The following DMGDH variants were observed in gnomAD, a reference collection of about 807,000 sequenced individuals.
DMGDH encodes the protein dimethylglycine dehydrogenase, also known as dimethylglycine dehydrogenase, mitochondrial.
Under a neutral mutation model 95.2 loss-of-function variants are expected in DMGDH, and 76 were observed. The observed-to-expected ratio is 0.80, with a 90% CI of 0.66 to 0.97. The LOEUF (loss-of-function observed/expected upper bound fraction) is 0.97. Ranked by LOEUF, DMGDH falls within the 50% of genes least tolerant of loss-of-function variation. The pLI is 0.00. For synonymous variants in DMGDH, 345 were observed against 377.6 expected, an observed-to-expected ratio of 0.91 and a Z score of 1.00; for missense variants, 987 against 1,055.0, an observed-to-expected ratio of 0.94 and a Z score of 0.89.
chr5:79,045,440 A>C (rs978263436), intron 5 of DMGDH, among the ~76,000 whole-genome samples: 1 of 152,206 alleles, frequency 6.6e-6, no homozygotes, highest in Non-Finnish European at 1.5e-5. Context: ...CCTTCAGTAC[A>C]TAGATGTGGG....
rs1487258521 is a variant in DMGDH at position 79,032,831 on chromosome 5, G to A, written c.1373C>T (p.Pro458Leu). 1.9e-6 allele frequency: 3 copies of A among 1,613,888 alleles called. No homozygotes were observed. The African/African-American group carries it at 4.0e-5, about 22-fold the overall frequency. ...CCTCCCAGCAAACCGTTCTTCTTTA[G>A]GATAACCAACTGAAAAGGAAAAATT... ...SYGFNNIVGY[P>L]KEERFAGRPT... The change falls in exon 9 of 16, where the codon CCT becomes CTT. Residue 458 changes from proline to leucine, a missense_variant. Transcript: ENST00000255189.
At chr5:79,013,661 A>G (rs1032099783) in intron 14 of DMGDH, among the ~76,000 whole-genome samples, 9 of 152,210 alleles carry the variant, frequency 5.9e-5, no homozygotes, top group African/African-American at 1.9e-4. Context: ...AGTTCTGTAG[A>G]CTATACAGGA....
chr5:79,061,219 A>T (rs1414851265), intron 2 of DMGDH, among the ~76,000 whole-genome samples: 1 of 43,064 alleles, frequency 2.3e-5, no homozygotes, highest in Non-Finnish European at 4.9e-5. Flanking sequence ...ACTCTGTCTC[A>T]AACACACACA....
chr5:79,065,186 T>C (rs1755336724), intron 1 of DMGDH, among the ~76,000 whole-genome samples: 1 of 151,654 alleles, frequency 6.6e-6, no homozygotes, highest in African/African-American at 2.4e-5. Flanking sequence ...CAATAACACA[T>C]ACACAGCTGT....
chr5:79,052,375 G>A (rs1037292611), intron 4 of DMGDH, among the ~76,000 whole-genome samples: 1 of 152,152 alleles, frequency 6.6e-6, no homozygotes, highest in Non-Finnish European at 1.5e-5. Flanking sequence ...AGAGAGATTG[G>A]CATTAAGTCT....
At chr5:79,052,585 G>C (rs899167222) in intron 4 of DMGDH, among the ~76,000 whole-genome samples, 1 of 152,210 alleles carries the variant, frequency 6.6e-6, no homozygotes, top group East Asian at 1.9e-4. Flanking sequence ...CCTCGTTGTA[G>C]TAATCCCACA....
At chr5:79,054,689 G>A (rs553335886) in intron 3 of DMGDH, among the ~76,000 whole-genome samples, 1 of 152,236 alleles carries the variant, frequency 6.6e-6, no homozygotes, top group Admixed American at 6.5e-5. Context: ...AATGTACAGC[G>A]TGAACAAAAA....
chr5:79,000,932 T>G (rs58686906), intron 15 of DMGDH: 48,707 of 676,330 alleles, frequency 0.072, 1,950 homozygotes, highest in Non-Finnish European at 0.078. Flanking sequence ...GAGCTGTACC[T>G]GGGTCCTCAT....
Position 78,998,277 on chromosome 5 carries a change from A to G in DMGDH, c.2406T>C (p.Ser802=). ...YNGKVVGNTT[S]GSYSYSIQKS... ...TCTGGATGCTGTAGCTATAGCTTCC[A>G]GATGTCGTGTTGCCAACCACCTGGA... The change falls in exon 16 of 16, where the codon TCT becomes TCC. Residue 802 remains serine (S), a synonymous_variant. Transcript: ENST00000255189. 5 of 1,613,908 alleles carry G rather than the reference A, an allele frequency of 3.1e-6. No individual in the cohort carries two copies. Among genetic ancestry groups the G allele is most frequent in the Non-Finnish European group, 3.4e-6 (4 of 1,179,888 alleles).
chr5:79,066,713 T>C (rs1373842989), intron 1 of DMGDH, among the ~76,000 whole-genome samples: 3 of 152,200 alleles, frequency 2.0e-5, no homozygotes, highest in Non-Finnish European at 4.4e-5. Flanking sequence ...GTTGACTCCT[T>C]CCCAGTGTAT....
chr5:79,009,604 C>T (rs1476830946), intron 14 of DMGDH, among the ~76,000 whole-genome samples: 1 of 152,124 alleles, frequency 6.6e-6, no homozygotes, highest in African/African-American at 2.4e-5. Flanking sequence ...AGATAATCTG[C>T]TTACCTCAGC....
intron 15 of DMGDH, chr5:79,000,754 A>T: frequency 3.2e-6 from 2 of 631,718 alleles, no homozygotes; most frequent in Non-Finnish European, 5.9e-6. Flanking sequence ...TCATTTTCTC[A>T]TTAAATATTT....
chr5:79,031,836 T>G (rs571572951), intron 9 of DMGDH, among the ~76,000 whole-genome samples: 1 of 152,048 alleles, frequency 6.6e-6, no homozygotes. Context: ...AAGTGAAGAG[T>G]AAAAGTGATG....
intron 13 of DMGDH, among the ~76,000 whole-genome samples, chr5:79,024,956 A>G (rs959803079): frequency 6.6e-6 from 1 of 152,234 alleles, no homozygotes; most frequent in Non-Finnish European, 1.5e-5. Context: ...TAAACCCCCT[A>G]CAAGCAGTCA....
At chr5:79,039,620 A>G (rs1161991390) in intron 7 of DMGDH, among the ~76,000 whole-genome samples, 1 of 152,092 alleles carries the variant, frequency 6.6e-6, no homozygotes, top group East Asian at 1.9e-4. Flanking sequence ...TGACGAGTTA[A>G]TGGGTGCAGC....
intron 14 of DMGDH, chr5:79,020,732 G>A (rs1309242774): frequency 1.0e-6 from 1 of 984,190 alleles, no homozygotes; most frequent in Non-Finnish European, 1.2e-6. Flanking sequence ...CGGGGAGAGA[G>A]GGGAAGGAGA....
At chr5:79,003,220 A>T (rs1157928470) in intron 15 of DMGDH, among the ~76,000 whole-genome samples, 2 of 152,200 alleles carry the variant, frequency 1.3e-5, no homozygotes, top group Non-Finnish European at 2.9e-5. Flanking sequence ...AATATAAAAC[A>T]AAGGGAAGAT....
Position 79,044,694 on chromosome 5 carries a change from A to T in DMGDH, c.746-142T>A, listed in dbSNP as rs2249096. ...TCTAATAAATGTCATAACAATCTAAACTTTTGTCATTGCAAAACTGAATGG... is the reference window on the plus strand; with the variant it reads ...TCTAATAAATGTCATAACAATCTAATCTTTTGTCATTGCAAAACTGAATGG... On this transcript the variant is annotated intron_variant, in intron 5 of 15. Transcript: ENST00000255189. The T allele has an allele frequency of 0.52, 502,862 of 963,398 alleles. 134,299 individuals are homozygous for T. Among genetic ancestry groups the T allele is most frequent in the East Asian group, 0.76 (28,998 of 37,960 alleles). The allele number at this position is 963,398 out of a possible 1,614,324, so 59.7% of individuals were successfully genotyped here.
intron 2 of DMGDH, among the ~76,000 whole-genome samples, chr5:79,057,322 G>A (rs978911742): frequency 6.6e-6 from 1 of 152,128 alleles, no homozygotes; most frequent in Non-Finnish European, 1.5e-5. Flanking sequence ...AATTTATCCT[G>A]GAAAGCTCAT....
Sources: allele counts gnomAD v4.1 joint callset (sites outside exome capture counted in the v4.1 genomes callset), GRCh38; gene constraint gnomAD v4.1.1; transcripts MANE v1.5; gene names NCBI Gene and HGNC (gene_info 2026-07-23, HGNC 2026-07-21).